FAT2: variants seen among roughly 807,000 people sequenced by gnomAD.
The protein encoded by FAT2 is FAT atypical cadherin 2, also known as protocadherin Fat 2.
FAT2 carries 150 observed loss-of-function variants against 295.3 expected under a neutral mutation model. The ratio of observed to expected loss-of-function variants is 0.51; its 90% CI spans 0.44 to 0.58. The LOEUF is 0.58. Among genes scored for constraint, FAT2 ranks in the 20% least tolerant of loss-of-function variants. The probability of loss-of-function intolerance (pLI) is 0.00; values close to 1 mark genes in which losing one functional copy is unlikely to be tolerated. For synonymous variants in FAT2, 2,026 were observed against 2,150.3 expected, an observed-to-expected ratio of 0.94 and a Z score of 1.60; for missense variants, 4,868 against 5,442.7, an observed-to-expected ratio of 0.89 and a Z score of 3.32.
intron 6 of FAT2, among the ~76,000 whole-genome samples, chr5:151,551,979 GT>G (rs1436151950): frequency 1.9e-4 from 27 of 140,514 alleles, no homozygotes; most frequent in African/African-American, 7.2e-4. Context: ...CCCTAAGGGT[GT>G]GTGTGTGTGT....
At chr5:151,587,339 G>A (rs1288667842) in intron 1 of FAT2, among the ~76,000 whole-genome samples, 2 of 151,888 alleles carry the variant, frequency 1.3e-5, no homozygotes, top group African/African-American at 4.8e-5. Context: ...ACAAAAAAGA[G>A]GTAGGCTGGG....
intron 1 of FAT2, among the ~76,000 whole-genome samples, chr5:151,584,554 G>A (rs1198889127): frequency 6.6e-6 from 1 of 152,154 alleles, no homozygotes; most frequent in East Asian, 1.9e-4. Flanking sequence ...GCCAGATTTA[G>A]TACTCCCTTG....
rs2127611122 is a variant in FAT2 at position 151,545,023 on chromosome 5, G to A, written c.6104C>T (p.Thr2035Ile). ...CCTCACTTCCACTGCCAACTCATGA[G>A]TGTCCTGCTGCTCCCGGTCAAACGC... Reference protein sequence around the residue: ...GVAFDREQQDTHELAVEVRDN... With the variant: ...GVAFDREQQDIHELAVEVRDN... The change falls in exon 10 of 24, where the codon ACT (threonine) becomes ATT (isoleucine). Residue 2035 changes from threonine (T) to isoleucine (I), a missense_variant. Physicochemically the swap from Thr to Ile is moderately conservative, Grantham distance 89 (BLOSUM62 -1). This residue lies in a region of FAT2 where 3,297 missense variants were observed against 3,669.4 expected (regional missense o/e 0.90). Transcript: ENST00000261800. 2 of 1,614,206 alleles carry A rather than the reference G, an allele frequency of 1.2e-6. No homozygotes were observed. The highest frequency in any genetic ancestry group is 4.5e-5 in the East Asian group (2 of 44,880).
chr5:151,557,787 G>A (rs1324289124), intron 3 of FAT2, among the ~76,000 whole-genome samples: 3 of 152,180 alleles, frequency 2.0e-5, no homozygotes, highest in African/African-American at 7.2e-5. Context: ...GAATTCATAT[G>A]TTGGGATAGG....
chr5:151,550,020 T>C (rs538015877), intron 8 of FAT2, among the ~76,000 whole-genome samples: 20 of 152,114 alleles, frequency 1.3e-4, no homozygotes, highest in Non-Finnish European at 1.9e-4. Flanking sequence ...TAAATAACTG[T>C]ATGACAGTGA....
chr5:151,544,390 G>T lies in FAT2; in HGVS notation c.6737C>A (p.Thr2246Lys). The change falls in exon 10 of 24, where the codon ACG (threonine) becomes AAG (lysine). Residue 2246 changes from threonine (T) to lysine (K), a missense_variant. Physicochemically the swap from Thr to Lys is moderately conservative, Grantham distance 78 (BLOSUM62 -1). Coordinates refer to ENST00000261800, the MANE Select transcript of FAT2 (RefSeq NM_001447.3). ...AGAAAATGACCCCAGAGCTGTATCC[G>T]TGGCTCTGACTGTGAACACATGTTT... ...KTKHVFTVRA[T>K]DTALGSFSEA... 6.2e-7 allele frequency: 1 copy of T among 1,614,164 alleles called. No individual in the cohort carries two copies. The highest frequency in any genetic ancestry group is 8.5e-7 in the Non-Finnish European group (1 of 1,180,032).
rs956945050 is a variant in FAT2 at position 151,566,091 on chromosome 5, C to T, written c.2841G>A (p.Leu947=). The change falls in exon 2 of 24, where the codon CTG becomes CTA. Residue 947 remains leucine (L), a synonymous_variant. Transcript: ENST00000261800. ...GGCCCAGGTCAGGATCAGAGGCATC[C>T]AGAAATGTCAAGACAGTCCCGGGGG... ...DLPPGTVLTF[L]DASDPDLGPA... 4 of 1,614,148 alleles carry T rather than the reference C, an allele frequency of 2.5e-6. No individual in the cohort carries two copies. The Admixed American group carries it at 6.7e-5, about 27-fold the overall frequency.
Position 151,546,069 on chromosome 5 carries a change from G to A in FAT2, c.5058C>T (p.Ser1686=), listed in dbSNP as rs747670974. 6.2e-6 allele frequency: 10 copies of A among 1,614,024 alleles called. No homozygotes were observed. Among genetic ancestry groups the A allele is most frequent in the Non-Finnish European group, 8.5e-6 (10 of 1,180,036 alleles). Residue 1686 remains serine (S), a synonymous_variant, in exon 10 of 24, where the codon AGC becomes AGT. Transcript: ENST00000261800. ...TTAACTCATAGGTAACTTCAGAGGG[G>A]CTCATAGCAGAGACAAGGAGGATTG... ...GSPILLVSAM[S]PSEVTYELRE...
rs114259641 is a variant in FAT2 at position 151,545,485 on chromosome 5, A to G, written c.5642T>C (p.Ile1881Thr). ...RFSEQIYEVA[I>T]VGPIHPGMEL... ...CATGCCTGGATGGATAGGCCCGACT[A>G]TTGCTACCTCATATATCTGTTCTGA... The change falls in exon 10 of 24, where the codon ATA becomes ACA. Residue 1881 changes from isoleucine to threonine, a missense_variant. Ile to Thr is a moderately conservative substitution (Grantham distance 89, BLOSUM62 -1). Around this residue, in one of 5 missense-constraint regions of FAT2, gnomAD observed 3,297 missense variants for 3,669.4 expected, o/e 0.90. Coordinates refer to ENST00000261800, the MANE Select transcript of FAT2 (RefSeq NM_001447.3). 4.9e-4 allele frequency: 796 copies of G among 1,614,166 alleles called. 2 individuals are homozygous for G. The African/African-American group carries it at 8.9e-3, about 18-fold the overall frequency.
chr5:151,560,117 C>A (rs1327831426), intron 3 of FAT2, among the ~76,000 whole-genome samples: 1 of 152,136 alleles, frequency 6.6e-6, no homozygotes, highest in Non-Finnish European at 1.5e-5. Context: ...CTCCTCTTAC[C>A]CTGAGTCACC....
rs55719915 is a variant in FAT2 at position 151,551,521 on chromosome 5, C to G, written c.4242G>C (p.Ser1414=). The change falls in exon 7 of 24, where the codon TCG becomes TCC. Residue 1414 remains serine, a synonymous_variant. Transcript: ENST00000261800. ...TCACCTCAACAGTCAAGTTATAGTT[C>G]GACCTTCTCCTGGTATCAAGAGGCC... is the stretch of plus-strand genomic sequence containing the variant. The part of the protein sequence containing the change: ...IARPLDTRRR[S]NYNLTVEVTD... 0.022 allele frequency: 34,835 copies of G among 1,614,126 alleles called. 555 individuals are homozygous for G. Among genetic ancestry groups the G allele is most frequent in the South Asian group, 0.055 (4,999 of 91,072 alleles).
chr5:151,551,638 A>G (rs1263641679), intron 6 of FAT2, 32 bp from the exon 7 acceptor site: 2 of 1,612,616 alleles, frequency 1.2e-6, no homozygotes, highest in Non-Finnish European at 8.5e-7. Context: ...AGCACACACA[A>G]CCTCAGTGAT....
intron 19 of FAT2, among the ~76,000 whole-genome samples, chr5:151,519,159 C>T (rs1350349234): frequency 3.3e-5 from 5 of 152,254 alleles, no homozygotes; most frequent in Admixed American, 6.5e-5. Context: ...GCCTGGTCAA[C>T]GTGGTGAAAC....
chr5:151,559,663 GTC>G (rs1214024077), intron 3 of FAT2, among the ~76,000 whole-genome samples: 1 of 151,436 alleles, frequency 6.6e-6, no homozygotes, highest in African/African-American at 2.4e-5. Flanking sequence ...GTGTGTGTCT[GTC>G]TCTCTCTCCC....
chr5:151,515,396 C>G (rs61398050), intron 20 of FAT2, among the ~76,000 whole-genome samples: 1,873 of 152,246 alleles, frequency 0.012, 40 homozygotes, highest in African/African-American at 0.043. Context: ...CTTTCAGTAC[C>G]ACGTATGCGC....
intron 8 of FAT2, 72 bp from the exon 9 acceptor site, chr5:151,549,577 A>G (rs1292552373): frequency 8.0e-7 from 1 of 1,244,662 alleles, no homozygotes; most frequent in Non-Finnish European, 1.2e-6. Context: ...GGTAAGGTTA[A>G]TGAACTAGAA....
intron 20 of FAT2, among the ~76,000 whole-genome samples, chr5:151,516,424 A>C (rs1581292036): frequency 1.3e-5 from 2 of 152,122 alleles, no homozygotes; most frequent in South Asian, 4.1e-4. Flanking sequence ...ACTGAGACAC[A>C]AGAATCACCT....
rs765163298 is a variant in FAT2, at chr5:151,522,010, G to T, written c.10583C>A (p.Ala3528Glu). 6.2e-6 allele frequency: 10 copies of T among 1,614,058 alleles called. No individual in the cohort carries two copies. In the South Asian group the frequency reaches 1.1e-4, roughly 18 times the overall value. ...GATCTCCAGTGGGAGAGCAGAAGGT[G>T]CATAGTGGCTCTGCTCTGTGACATG... is the stretch of plus-strand genomic sequence containing the variant. ...RVHVTEQSHY[A>E]PSALPLEIFI... Residue 3528 changes from alanine (A) to glutamate (E), a missense_variant, in exon 19 of 24, where the codon GCA (alanine) becomes GAA (glutamate). Physicochemically the swap from Ala to Glu is moderately radical, Grantham distance 107. Transcript: ENST00000261800.
chr5:151,505,408 G>T lies in FAT2; in HGVS notation c.*157C>A, dbSNP rs561822900. The T allele has an allele frequency of 5.9e-6, 5 of 840,542 alleles. No individual in the cohort carries two copies. The East Asian group carries it at 8.0e-5, about 13-fold the overall frequency. The allele number at this position is 840,542 out of a possible 1,614,324, so 52.1% of individuals were successfully genotyped here. The stretch of plus-strand genomic sequence containing the variant: ...TTCCCTCCACCCTCAGGGACTAGGT[G>T]GGGGATTGGAAGAGCACATTTCAAG... On this transcript the variant is annotated 3_prime_UTR_variant, in exon 24 of 24. Coordinates refer to ENST00000261800, the MANE Select transcript of FAT2 (RefSeq NM_001447.3).
Sources: allele counts gnomAD v4.1 joint callset (sites outside exome capture counted in the v4.1 genomes callset), GRCh38; gene constraint gnomAD v4.1.1; regional missense constraint gnomAD v4.1.1; transcripts MANE v1.5; gene names NCBI Gene and HGNC (gene_info 2026-07-23, HGNC 2026-07-21).